Variants in LINGO2 observed in about 807,000 individuals in gnomAD.
The protein encoded by LINGO2 is leucine rich repeat and Ig domain containing 2.
LINGO2 carries 14 observed loss-of-function variants against 30.6 expected under a neutral mutation model. The ratio of observed to expected loss-of-function variants is 0.46; its 90% CI spans 0.30 to 0.72. LINGO2 has a LOEUF of 0.72. Among genes scored for constraint, LINGO2 ranks in the 30% least tolerant of loss-of-function variants. LINGO2 has a pLI of 0.07. For synonymous variants in LINGO2, 317 were observed against 288.5 expected (o/e 1.10, Z -1.00); for missense variants, 729 against 751.7 (o/e 0.97, Z 0.35).
At chr9:29,164,132 C>T in the LINGO2 span, among the ~76,000 whole-genome samples, 8 of 151,836 alleles carry the variant, frequency 5.3e-5, no homozygotes, top group African/African-American at 1.7e-4. Context: ...GGGCCTCTCA[C>T]CCACAACCCT....
chr9:29,189,895 G>C, the LINGO2 span, among the ~76,000 whole-genome samples: 3 of 151,220 alleles, frequency 2.0e-5, no homozygotes, highest in Non-Finnish European at 4.4e-5. Flanking sequence ...GCCTGCAATC[G>C]CAGGCACTCA....
the LINGO2 span, among the ~76,000 whole-genome samples, chr9:28,704,607 T>G: frequency 2.0e-5 from 3 of 152,152 alleles, no homozygotes; most frequent in African/African-American, 7.2e-5. Context: ...AGTCTTTCAG[T>G]TTTTCAGTCC....
intron 4 of LINGO2, among the ~76,000 whole-genome samples, chr9:28,056,695 G>A (rs1014305395): frequency 6.6e-5 from 10 of 152,166 alleles, no homozygotes; most frequent in African/African-American, 2.4e-4. Context: ...GCAGATGTAT[G>A]GAGCAGAAGA....
the LINGO2 span, among the ~76,000 whole-genome samples, chr9:28,733,446 T>G: frequency 6.6e-6 from 1 of 152,132 alleles, no homozygotes; most frequent in Non-Finnish European, 1.5e-5. Context: ...GATGGTGACA[T>G]TAAGTGAACT....
rs367809795 is a variant in LINGO2 at position 28,506,491 on chromosome 9, C to G, written c.-364-30466G>C. Among the ~76,000 whole-genome samples the G allele has an allele frequency of 3.5e-3, 276 of 79,034 alleles. 35 individuals carry two copies. The highest frequency in any genetic ancestry group is 7.0e-3 in the African/African-American group (146 of 20,994). The allele number at this position is 79,034 out of a possible 152,430, so 51.8% of individuals were successfully genotyped here. A position where few individuals can be genotyped will look rare whatever the true frequency, so the allele number is the denominator to read the frequency against. Reference sequence around the variant, plus strand: ...ACACACACACACACATACACATACACACACACACACAGACATATATATATA... The same window carrying G: ...ACACACACACACACATACACATACAGACACACACACAGACATATATATATA... On this transcript the variant is annotated intron_variant, in intron 1 of 5. Transcript: ENST00000379992.
the LINGO2 span, among the ~76,000 whole-genome samples, chr9:28,791,207 A>G: frequency 6.6e-6 from 1 of 152,100 alleles, no homozygotes; most frequent in African/African-American, 2.4e-5. Context: ...ATTCCTATGA[A>G]TGTAGTAATT....
chr9:28,529,082 T>C (rs2135422861), intron 1 of LINGO2, among the ~76,000 whole-genome samples: 1 of 152,222 alleles, frequency 6.6e-6, no homozygotes. Flanking sequence ...GTTCCATTCT[T>C]TCTTTAGGAA....
At chr9:29,138,449 A>G in the LINGO2 span, among the ~76,000 whole-genome samples, 2 of 152,066 alleles carry the variant, frequency 1.3e-5, no homozygotes, top group Non-Finnish European at 2.9e-5. Flanking sequence ...ATGTTTTCCT[A>G]TATAGTTATT....
chr9:28,884,100 G>T, the LINGO2 span, among the ~76,000 whole-genome samples: 2 of 77,772 alleles, frequency 2.6e-5, no homozygotes, highest in Non-Finnish European at 5.7e-5. Flanking sequence ...GGAGAATAGC[G>T]CAGTGTCTAA....
At chr9:28,626,888 T>C (rs554146520) in intron 1 of LINGO2, among the ~76,000 whole-genome samples, 1 of 152,144 alleles carries the variant, frequency 6.6e-6, no homozygotes, top group Admixed American at 6.6e-5. Context: ...GAAAAAAATA[T>C]TGAGCATGTT....
At chr9:27,960,223 T>A (rs1200823098) in intron 5 of LINGO2, among the ~76,000 whole-genome samples, 1 of 152,192 alleles carries the variant, frequency 6.6e-6, no homozygotes, top group Non-Finnish European at 1.5e-5. Context: ...AAAATCTGGT[T>A]GTTCTGCTAG....
intron 3 of LINGO2, among the ~76,000 whole-genome samples, chr9:28,337,350 G>A (rs1825624491): frequency 6.6e-6 from 1 of 152,038 alleles, no homozygotes; most frequent in Non-Finnish European, 1.5e-5. Flanking sequence ...GTAATCAAAT[G>A]TAAACAAATC....
At chr9:28,008,150 A>G (rs540760943) in intron 5 of LINGO2, among the ~76,000 whole-genome samples, 51 of 152,132 alleles carry the variant, frequency 3.4e-4, no homozygotes, top group Non-Finnish European at 5.1e-4. Context: ...TGGGCTTTCT[A>G]TGAAAAGTGA....
chr9:29,023,987 C>T, the LINGO2 span, among the ~76,000 whole-genome samples: 19 of 151,910 alleles, frequency 1.3e-4, no homozygotes, highest in African/African-American at 4.6e-4. Flanking sequence ...AATATTCCAA[C>T]CTTTCTTCTT....
At chr9:28,404,602 C>T (rs1320452038) in intron 2 of LINGO2, among the ~76,000 whole-genome samples, 1 of 152,130 alleles carries the variant, frequency 6.6e-6, no homozygotes, top group African/African-American at 2.4e-5. Context: ...TAAAGCTTGG[C>T]TAGTGAGAGG....
At chr9:28,892,340 T>A in the LINGO2 span, among the ~76,000 whole-genome samples, 822 of 152,136 alleles carry the variant, frequency 5.4e-3, 11 homozygotes, top group African/African-American at 0.019. Context: ...GAGATCATGA[T>A]AAAATATGAA....
At chr9:28,839,683 C>T in the LINGO2 span, among the ~76,000 whole-genome samples, 3 of 152,160 alleles carry the variant, frequency 2.0e-5, no homozygotes, top group Admixed American at 2.0e-4. Flanking sequence ...GCTGATTGGC[C>T]CATGGGCAGC....
the LINGO2 span, among the ~76,000 whole-genome samples, chr9:28,991,198 T>C: frequency 6.6e-6 from 1 of 151,796 alleles, no homozygotes; most frequent in East Asian, 1.9e-4. Flanking sequence ...AAGCCATGGC[T>C]CGAGAACTAC....
chr9:28,502,461 G>A (rs906016299), intron 1 of LINGO2, among the ~76,000 whole-genome samples: 1 of 151,902 alleles, frequency 6.6e-6, no homozygotes, highest in Non-Finnish European at 1.5e-5. Flanking sequence ...CAATCCAAAG[G>A]TTCACTCGTA....
Sources: allele counts gnomAD v4.1 joint callset (sites outside exome capture counted in the v4.1 genomes callset), GRCh38; gene constraint gnomAD v4.1.1; transcripts MANE v1.5; gene names NCBI Gene and HGNC (gene_info 2026-07-23, HGNC 2026-07-21).